MYO16: variants seen among roughly 807,000 people sequenced by gnomAD.
MYO16 encodes myosin XVI.
MYO16 carries 94 observed loss-of-function variants against 205.3 expected under a neutral mutation model. The ratio of observed to expected loss-of-function variants is 0.46; its 90% confidence interval spans 0.39 to 0.54. The LOEUF (loss-of-function observed/expected upper bound fraction) is 0.54. Ranked by LOEUF, MYO16 falls within the 20% of genes least tolerant of loss-of-function variation. The probability of loss-of-function intolerance (pLI) is 0.00; values close to 1 mark genes in which losing one functional copy is unlikely to be tolerated. For synonymous variants in MYO16, 988 were observed against 954.0 expected (o/e 1.04, Z -0.66); for missense variants, 2,315 against 2,387.5 (o/e 0.97, Z 0.63).
At chr13:108,785,827 T>C in intron 5 of MYO16, 84 bp downstream of exon 5, 1 of 867,220 alleles carries the variant, frequency 1.2e-6, no homozygotes, top group Non-Finnish European at 1.8e-6. Flanking sequence ...TTTGCTTACA[T>C]GATTTCCGAT....
In MYO16 at chr13:108,976,970, T is replaced by C. The variant is rs989710319; in HGVS notation, c.2369+12068T>C. Among the ~76,000 whole-genome samples the C allele has an allele frequency of 3.2e-4, 48 of 152,262 alleles. 1 individual carries two copies. The highest frequency in any genetic ancestry group is 4.1e-4 in the Non-Finnish European group (28 of 67,996). On this transcript the variant is annotated intron_variant, in intron 20 of 34. Coordinates refer to ENST00000457511, the MANE Select transcript of MYO16 (RefSeq NM_001198950.3). ...AACTAAAAGCCAAGATTCCTTTTGT[T>C]TTCCTGTAGAGATACATTTTTCCCC...
intron 20 of MYO16, among the ~76,000 whole-genome samples, chr13:108,987,912 T>G (rs1884693412): frequency 6.6e-6 from 1 of 152,230 alleles, no homozygotes; most frequent in Admixed American, 6.5e-5. Context: ...TCTATATCTA[T>G]CTACATAAAA....
At chr13:108,863,255 T>C (rs1878539300) in intron 11 of MYO16, among the ~76,000 whole-genome samples, 1 of 152,100 alleles carries the variant, frequency 6.6e-6, no homozygotes, top group Admixed American at 6.6e-5. Context: ...CGATAATAAG[T>C]GCCCTATCCA....
At chr13:109,020,147 CTT>C (rs1266182597) in intron 23 of MYO16, among the ~76,000 whole-genome samples, 1 of 152,110 alleles carries the variant, frequency 6.6e-6, no homozygotes, top group African/African-American at 2.4e-5. Flanking sequence ...AGAATTATAA[CTT>C]TATATGAGCA....
intron 25 of MYO16, 150 bp from the exon 26 acceptor site, chr13:109,054,896 C>T (rs1887361561): frequency 1.9e-6 from 1 of 516,148 alleles, no homozygotes; most frequent in South Asian, 3.1e-5. Context: ...TCCTTCCTTT[C>T]TTCCTCCTTC....
intron 6 of MYO16, among the ~76,000 whole-genome samples, chr13:108,803,796 C>A (rs1472070283): frequency 6.6e-6 from 1 of 152,044 alleles, no homozygotes; most frequent in Non-Finnish European, 1.5e-5. Context: ...AGACTGCCTG[C>A]ACTGATGGAG....
chr13:108,819,727 C>T (rs1027040361), intron 7 of MYO16, among the ~76,000 whole-genome samples: 11 of 152,078 alleles, frequency 7.2e-5, no homozygotes, highest in Non-Finnish European at 1.5e-5. Flanking sequence ...GAACTTGAGA[C>T]TGCATTTTTC....
chr13:108,995,418 T>C (rs1023621759), intron 21 of MYO16, among the ~76,000 whole-genome samples: 1 of 152,176 alleles, frequency 6.6e-6, no homozygotes, highest in Non-Finnish European at 1.5e-5. Context: ...AATTAACGAA[T>C]CATTTCTATT....
At chr13:108,503,689 G>C in the MYO16 span, among the ~76,000 whole-genome samples, 306 of 152,130 alleles carry the variant, frequency 2.0e-3, no homozygotes, top group Admixed American at 4.3e-3. Context: ...GCATAAAGAA[G>C]CATCCTCAAT....
At chr13:108,727,367 A>T in intron 3 of MYO16, 73 bp from the exon 4 acceptor site, 1 of 1,482,096 alleles carries the variant, frequency 6.7e-7, no homozygotes, top group Admixed American at 2.2e-5. Context: ...TTTTTTTTAA[A>T]TCTGTGGACA....
chr13:108,917,707 G>C (rs530096844), intron 16 of MYO16, among the ~76,000 whole-genome samples: 1 of 152,338 alleles, frequency 6.6e-6, no homozygotes, highest in Non-Finnish European at 1.5e-5. Context: ...TAAATAGTTA[G>C]CATAAGAGAA....
Position 109,206,664 on chromosome 13 carries a change from T to C in MYO16, c.5471T>C (p.Leu1824Ser), listed in dbSNP as rs1880609334. The change falls in exon 35 of 35, where the codon TTG becomes TCG. Residue 1824 changes from leucine (L) to serine (S), a missense_variant. Around this residue, in one of 3 missense-constraint regions of MYO16, gnomAD observed 1,097 missense variants for 1,092.0 expected, o/e 1.00. Transcript: ENST00000457511. ...GAAAGTGTGGCCCTGCAGGAACTCT[T>C]GGACTGGAGGAGAAAGCTCTGTGAG... The part of the protein sequence containing the change: ...ENESVALQEL[L>S]DWRRKLCEEG... The C allele has an allele frequency of 1.9e-6, 3 of 1,614,176 alleles. No individual in the cohort carries two copies. Among genetic ancestry groups the C allele is most frequent in the Non-Finnish European group, 2.5e-6 (3 of 1,180,014 alleles).
At chr13:109,070,123 A>G (rs1173728043) in intron 27 of MYO16, among the ~76,000 whole-genome samples, 2 of 152,206 alleles carry the variant, frequency 1.3e-5, no homozygotes, top group Admixed American at 6.5e-5. Context: ...GACATATTTC[A>G]TAGTAAAACA....
At chr13:108,786,651 A>T (rs1886465283) in intron 5 of MYO16, among the ~76,000 whole-genome samples, 1 of 152,194 alleles carries the variant, frequency 6.6e-6, no homozygotes, top group South Asian at 2.1e-4. Context: ...GATGGCTTAG[A>T]ATAATAATAA....
chr13:108,595,237 T>C (rs1005779219), upstream of MYO16, among the ~76,000 whole-genome samples: 4 of 152,166 alleles, frequency 2.6e-5, no homozygotes, highest in African/African-American at 4.8e-5. Context: ...AATATCCAGA[T>C]TGGAAATTCA....
At chr13:109,184,767 TTTTC>T (rs1183220745) in intron 34 of MYO16, among the ~76,000 whole-genome samples, 1 of 151,442 alleles carries the variant, frequency 6.6e-6, no homozygotes, top group Non-Finnish European at 1.5e-5. Context: ...TGGCTAATTT[TTTTC>T]TTTTTTTTTT....
At chr13:108,536,772 G>T in the MYO16 span, among the ~76,000 whole-genome samples, 2 of 151,948 alleles carry the variant, frequency 1.3e-5, no homozygotes, top group African/African-American at 4.8e-5. Flanking sequence ...TATACAATAA[G>T]ACATTCAACA....
intron 2 of MYO16, among the ~76,000 whole-genome samples, chr13:108,680,357 C>A (rs940022847): frequency 6.6e-6 from 1 of 152,196 alleles, no homozygotes; most frequent in Non-Finnish European, 1.5e-5. Flanking sequence ...AGATAGCTAG[C>A]AACTGTTTCT....
At chr13:108,932,842 G>C (rs1160860964) in intron 16 of MYO16, among the ~76,000 whole-genome samples, 2 of 152,116 alleles carry the variant, frequency 1.3e-5, no homozygotes, top group Non-Finnish European at 2.9e-5. Flanking sequence ...ATAAGCCAAA[G>C]TTCCCACAGA....
Sources: gnomAD v4.1 joint callset for allele counts (sites outside exome capture counted in the v4.1 genomes callset) on GRCh38, gnomAD v4.1.1 for gene constraint, gnomAD v4.1.1 regional missense constraint, MANE v1.5 for transcripts, NCBI Gene and HGNC (gene_info 2026-07-23, HGNC 2026-07-21) for gene names.